The following SPMIP2 variants were observed in gnomAD, a reference collection of about 807,000 sequenced individuals.
The protein encoded by SPMIP2 is sperm microtubule inner protein 2, also known as protein SPMIP2.
At chr4:159,038,388 G>C in the SPMIP2 span, among the ~76,000 whole-genome samples, 1 of 152,126 alleles carries the variant, frequency 6.6e-6, no homozygotes, top group East Asian at 1.9e-4. Context: ...GTTCTTGTTA[G>C]TGTGATTGAA....
chr4:159,070,737 A>G, the SPMIP2 span, among the ~76,000 whole-genome samples: 1 of 152,236 alleles, frequency 6.6e-6, no homozygotes. Context: ...AAATGGAGAC[A>G]TGCTTTTTAT....
At chr4:159,020,632 C>A in the SPMIP2 span, among the ~76,000 whole-genome samples, 2 of 152,180 alleles carry the variant, frequency 1.3e-5, no homozygotes, top group Non-Finnish European at 2.9e-5. Context: ...CTGAACTCTG[C>A]TTTAACAGAT....
chr4:158,925,947 G>A, the SPMIP2 span, among the ~76,000 whole-genome samples: 1 of 152,068 alleles, frequency 6.6e-6, no homozygotes, highest in African/African-American at 2.4e-5. Flanking sequence ...TCCTCACAGG[G>A]TGGAAGGGTC....
the SPMIP2 span, among the ~76,000 whole-genome samples, chr4:159,070,760 T>C: frequency 6.6e-6 from 1 of 152,222 alleles, no homozygotes; most frequent in Admixed American, 6.5e-5. Context: ...CTTAAATGTA[T>C]GCAGACCCAT....
chr4:159,026,272 C>T, the SPMIP2 span: 2 of 556,104 alleles, frequency 3.6e-6, no homozygotes, highest in South Asian at 1.7e-5. Context: ...TGACAAAAAC[C>T]TCACCATAAA....
the SPMIP2 span, among the ~76,000 whole-genome samples, chr4:158,977,625 T>TTTTTTTTTTTTTTTTTTTTTTTC: frequency 9.6e-6 from 1 of 104,338 alleles, no homozygotes. Flanking sequence ...TTTTTTTTTT[T>TTTTTTTTTTTTTTTTTTTTTTTC]TCTCTTTGAG....
the SPMIP2 span, among the ~76,000 whole-genome samples, chr4:158,969,579 G>A: frequency 1.3e-5 from 2 of 152,240 alleles, no homozygotes; most frequent in Admixed American, 1.3e-4. Flanking sequence ...GCAACGTGGG[G>A]GAAGATTTTC....
the SPMIP2 span, among the ~76,000 whole-genome samples, chr4:158,971,488 G>A: frequency 6.6e-6 from 1 of 152,040 alleles, no homozygotes. Context: ...TCTTGGCCCT[G>A]GCATTTAAAC....
At chr4:158,981,651 A>G in the SPMIP2 span, among the ~76,000 whole-genome samples, 6 of 152,154 alleles carry the variant, frequency 3.9e-5, no homozygotes, top group African/African-American at 1.4e-4. Flanking sequence ...CAGACAAGCA[A>G]ATGCTGAGGG....
chr4:158,967,240 T>C, the SPMIP2 span, among the ~76,000 whole-genome samples: 2 of 152,200 alleles, frequency 1.3e-5, no homozygotes, highest in African/African-American at 2.4e-5. Context: ...GTAACATCTG[T>C]ATATAAGGAG....
At chr4:159,035,210 T>C in the SPMIP2 span, 1 of 778,012 alleles carries the variant, frequency 1.3e-6, no homozygotes. Flanking sequence ...GCTTGTGACC[T>C]GCACCAGGTG....
chr4:159,068,102 C>T, the SPMIP2 span, among the ~76,000 whole-genome samples: 16 of 152,130 alleles, frequency 1.1e-4, no homozygotes, highest in Admixed American at 2.0e-4. Flanking sequence ...GTCAGTGTGG[C>T]GATTCCTCAG....
the SPMIP2 span, among the ~76,000 whole-genome samples, chr4:159,075,445 CTGCATTGTAT>C: frequency 6.6e-6 from 1 of 152,114 alleles, no homozygotes; most frequent in Admixed American, 6.5e-5. Context: ...TAAAATACCA[CTGCATTGTAT>C]TGGATCATTT....
chr4:158,948,122 T>C, the SPMIP2 span, among the ~76,000 whole-genome samples: 3 of 152,184 alleles, frequency 2.0e-5, no homozygotes, highest in African/African-American at 7.2e-5. Flanking sequence ...CTTGTTCCTG[T>C]CTGAATTGAA....
chr4:159,020,916 C>A, the SPMIP2 span, among the ~76,000 whole-genome samples: 1 of 152,126 alleles, frequency 6.6e-6, no homozygotes, highest in African/African-American at 2.4e-5. Context: ...CGCCCACCAC[C>A]ACGCCCGGCT....
At chr4:158,933,661 C>T in the SPMIP2 span, among the ~76,000 whole-genome samples, 1 of 151,934 alleles carries the variant, frequency 6.6e-6, no homozygotes, top group Non-Finnish European at 1.5e-5. Flanking sequence ...AAACCCTTTC[C>T]TCTTGGACTT....
the SPMIP2 span, among the ~76,000 whole-genome samples, chr4:159,067,191 G>T: frequency 6.6e-6 from 1 of 151,918 alleles, no homozygotes. Flanking sequence ...AACATAGAAA[G>T]ACTCTAAAGT....
At chr4:158,952,219 C>T in the SPMIP2 span, among the ~76,000 whole-genome samples, 19 of 152,188 alleles carry the variant, frequency 1.2e-4, no homozygotes, top group African/African-American at 4.6e-4. Flanking sequence ...GAAAAAAATT[C>T]TGTGAAATCA....
the SPMIP2 span, among the ~76,000 whole-genome samples, chr4:158,950,010 G>T: frequency 6.6e-6 from 1 of 152,096 alleles, no homozygotes; most frequent in Non-Finnish European, 1.5e-5. Context: ...AACCACTTTG[G>T]CTGTCCTTAC....
Sources: allele counts gnomAD v4.1 joint callset (sites outside exome capture counted in the v4.1 genomes callset), GRCh38; gene constraint gnomAD v4.1.1; transcripts MANE v1.5; gene names NCBI Gene and HGNC (gene_info 2026-07-23, HGNC 2026-07-21).